Variants in URI1 observed in about 807,000 individuals in gnomAD.
URI1 encodes unconventional prefoldin RPB5 interactor 1.
Under a neutral mutation model 60.2 loss-of-function variants are expected in URI1, and 39 were observed. The ratio of observed to expected loss-of-function variants is 0.65; its 90% confidence interval spans 0.50 to 0.85. URI1 has a LOEUF of 0.85. Ranked by LOEUF, URI1 falls within the 40% of genes least tolerant of loss-of-function variation. The probability of loss-of-function intolerance (pLI) is 0.00; values close to 1 mark genes in which losing one functional copy is unlikely to be tolerated. For missense variants in URI1, 691 were observed against 665.9 expected (o/e 1.04, Z -0.42); for synonymous variants, 251 against 236.8 (o/e 1.06, Z -0.55).
upstream of URI1, among the ~76,000 whole-genome samples, chr19:29,940,277 C>T (rs1202496474): frequency 6.6e-6 from 1 of 152,076 alleles, no homozygotes; most frequent in Non-Finnish European, 1.5e-5. Context: ...GTCTGATACA[C>T]ATGGGGCTAC....
chr19:29,984,397 C>A (rs2055636000), intron 2 of URI1, among the ~76,000 whole-genome samples: 1 of 151,996 alleles, frequency 6.6e-6, no homozygotes, highest in Admixed American at 6.5e-5. Context: ...CCACTGCACT[C>A]CAGCCTGGGC....
intron 1 of URI1, among the ~76,000 whole-genome samples, chr19:29,948,573 G>T: frequency 6.6e-6 from 1 of 151,642 alleles, no homozygotes; most frequent in African/African-American, 2.4e-5. Flanking sequence ...TCAAGCATCT[G>T]TTTAACAAAG....
chr19:29,988,634 C>T (rs186886837), intron 4 of URI1, among the ~76,000 whole-genome samples: 2 of 152,332 alleles, frequency 1.3e-5, no homozygotes, highest in Non-Finnish European at 2.9e-5. Context: ...GAGGAGTGTT[C>T]CGTTACATGC....
At position 30,007,580 on chromosome 19, in the gene URI1, C is replaced by T. The variant is rs745735736; in HGVS notation, c.628C>T (p.Leu210=). Residue 210 remains leucine (L), a synonymous_variant, in exon 7 of 11, where the codon CTG becomes TTG. Coordinates refer to ENST00000392271, the MANE Select transcript of URI1 (RefSeq NM_003796.3). ...CAAGGATTTGCTAGCTGATAAAGAA[C>T]TGTGGGCTCGACTTGAAGAACTAGA... ...KSKDLLADKE[L]WARLEELERQ... 3 of 1,613,140 alleles carry T rather than the reference C, an allele frequency of 1.9e-6. No individual in the cohort carries two copies. The highest frequency in any genetic ancestry group is 4.5e-5 in the East Asian group (2 of 44,850).
In URI1 at chr19:30,007,714, A is replaced by G. The variant is rs529868567; in HGVS notation, c.686+76A>G. On this transcript the variant is annotated intron_variant, in intron 7 of 10. Coordinates refer to ENST00000392271, the MANE Select transcript of URI1 (RefSeq NM_003796.3). ...TCCTCATTAATCTTTTTCTTCATTA[A>G]TAAAATAATATGTGTTCATTGAAGA... The G allele has an allele frequency of 1.9e-5, 25 of 1,284,876 alleles. No individual in the cohort carries two copies. The African/African-American group carries it at 3.2e-4, about 16-fold the overall frequency. 79.6% of individuals were successfully genotyped at this position (1,284,876 alleles called of 1,614,324 possible).
At chr19:29,954,765 G>A (rs1454496283) in intron 1 of URI1, among the ~76,000 whole-genome samples, 2 of 152,018 alleles carry the variant, frequency 1.3e-5, no homozygotes, top group Admixed American at 6.6e-5. Context: ...TGATCTGCCC[G>A]CCTCAGCCTC....
chr19:29,932,052 T>G (rs552537363), intron 1 of URI1, among the ~76,000 whole-genome samples: 4 of 152,158 alleles, frequency 2.6e-5, no homozygotes, highest in Non-Finnish European at 5.9e-5. Flanking sequence ...CATTTCTTTA[T>G]CTTGCCTAGT....
intron 4 of URI1, among the ~76,000 whole-genome samples, 163 bp from the exon 5 acceptor site, chr19:30,005,194 TACAC>T (rs2055925211): frequency 6.6e-6 from 1 of 152,048 alleles, no homozygotes; most frequent in Admixed American, 6.6e-5. Context: ...AGCACAAAAA[TACAC>T]AGTATAACTT....
rs1352288618 is a variant in URI1 at position 29,926,255 on chromosome 19, CCT to C, written c.63+2502_63+2503del. ...TCTCTCCTTCCTTCCTTCCTTCCTT[CCT>C]TCCTTCCTTCCTTCCTTCCTTCCTT... On this transcript the variant is annotated intron_variant, in intron 1 of 10. Transcript: ENST00000360605. Among the ~76,000 whole-genome samples, 211 of 141,562 alleles carry C rather than the reference CCT, an allele frequency of 1.5e-3. 1 individual carries two copies. The highest frequency in any genetic ancestry group is 5.6e-3 in the African/African-American group (206 of 36,954). 92.9% of individuals were successfully genotyped at this position (141,562 alleles called of 152,430 possible). A position where few individuals can be genotyped will look rare whatever the true frequency, so the allele number is the denominator to read the frequency against.
intron 1 of URI1, among the ~76,000 whole-genome samples, chr19:29,946,495 A>G (rs1050097718): frequency 6.6e-6 from 1 of 152,196 alleles, no homozygotes; most frequent in South Asian, 2.1e-4. Context: ...TATTTGCAGG[A>G]TAATAGTAAG....
intron 1 of URI1, among the ~76,000 whole-genome samples, chr19:29,947,335 T>G (rs1048946925): frequency 6.6e-6 from 1 of 152,236 alleles, no homozygotes; most frequent in South Asian, 2.1e-4. Flanking sequence ...ACAGATCCGA[T>G]CTTAGAATTT....
At chr19:29,938,922 C>T (rs1013432797), upstream of URI1, among the ~76,000 whole-genome samples, 48 of 150,994 alleles carry the variant, frequency 3.2e-4, no homozygotes, top group Non-Finnish European at 1.0e-4. Flanking sequence ...AGGATCTGCC[C>T]ACCTCAGCCT....
At chr19:29,940,525 T>C (rs887253799), upstream of URI1, among the ~76,000 whole-genome samples, 2 of 152,014 alleles carry the variant, frequency 1.3e-5, no homozygotes, top group Non-Finnish European at 2.9e-5. Context: ...GGCACGCGCC[T>C]GTAGTCCCAG....
chr19:29,929,942 T>A (rs958871054), intron 1 of URI1, among the ~76,000 whole-genome samples: 1 of 119,180 alleles, frequency 8.4e-6, no homozygotes, highest in African/African-American at 3.8e-5. Context: ...CAGTGTCTCT[T>A]TTTTTTTTTT....
chr19:30,003,739 T>A (rs1022122987), intron 4 of URI1, among the ~76,000 whole-genome samples: 2 of 152,068 alleles, frequency 1.3e-5, no homozygotes, highest in African/African-American at 4.8e-5. Context: ...ACCTTTAGCT[T>A]AGTTGCACAG....
intron 4 of URI1, among the ~76,000 whole-genome samples, chr19:29,988,868 C>T (rs1304449708): frequency 6.6e-6 from 1 of 152,138 alleles, no homozygotes; most frequent in East Asian, 1.9e-4. Flanking sequence ...AAGCTGTTTT[C>T]CAAAGTGGCT....
At chr19:29,933,961 A>C (rs1414338765) in intron 1 of URI1, among the ~76,000 whole-genome samples, 5 of 104,206 alleles carry the variant, frequency 4.8e-5, no homozygotes, top group African/African-American at 2.8e-4. Context: ...TTTGAGATGA[A>C]GTCTTGCTCT....
At chr19:29,985,164 AAAAAAAAAAAAAAGAAAAAT>A in intron 2 of URI1, 39 bp from the exon 3 acceptor site, 1 of 338,642 alleles carries the variant, frequency 3.0e-6, no homozygotes, top group East Asian at 6.6e-5. Context: ...AAAAAAAAAA[AAAAAAAAAAAAAAGAAAAAT>A]CGTTAATAAT....
chr19:29,942,632 G>T lies in URI1; in HGVS notation c.85G>T (p.Asp29Tyr). 7 of 1,465,076 alleles carry T rather than the reference G, an allele frequency of 4.8e-6. No individual in the cohort carries two copies. The highest frequency in any genetic ancestry group is 6.3e-6 in the Non-Finnish European group (7 of 1,112,018). 90.8% of individuals were successfully genotyped at this position (1,465,076 alleles called of 1,614,324 possible). A position where few individuals can be genotyped will look rare whatever the true frequency, so the allele number is the denominator to read the frequency against. ...APALVPLRAP[D>Y]VARLREEQEK... ...TGCCCTGGTTCCGTTGCGCGCCCCG[G>T]ATGTGGCGCGGCTGCGCGAGGAGCA... is the stretch of plus-strand genomic sequence containing the variant. Residue 29 changes from aspartate (D) to tyrosine (Y), a missense_variant, in exon 1 of 11, where the codon GAT becomes TAT. Transcript: ENST00000392271.
Sources: allele counts gnomAD v4.1 joint callset (sites outside exome capture counted in the v4.1 genomes callset), GRCh38; gene constraint gnomAD v4.1.1; transcripts MANE v1.5; gene names NCBI Gene and HGNC (gene_info 2026-07-23, HGNC 2026-07-21).